TRIM72: variants seen among roughly 807,000 people sequenced by gnomAD.
TRIM72 encodes tripartite motif containing 72.
Under a neutral mutation model 31.6 loss-of-function variants are expected in TRIM72, and 33 were observed. That is an observed-to-expected ratio of 1.04 (90% CI 0.79 to 1.40). The LOEUF (loss-of-function observed/expected upper bound fraction) is 1.40. TRIM72 is among the 40% of genes most tolerant of loss of function. TRIM72 has a pLI of 0.00. For missense variants in TRIM72, 666 were observed against 682.7 expected, an observed-to-expected ratio of 0.98 and a Z score of 0.27; for synonymous variants, 301 against 314.4, an observed-to-expected ratio of 0.96 and a Z score of 0.45.
chr16:31,223,385 C>A (rs1421490845), intron 6 of TRIM72, among the ~76,000 whole-genome samples: 1 of 152,216 alleles, frequency 6.6e-6, no homozygotes, highest in Non-Finnish European at 1.5e-5. Flanking sequence ...TCAGTTCCTC[C>A]CCCCAAGAGC....
chr16:31,221,058 T>G lies in TRIM72; in HGVS notation c.740+140T>G, dbSNP rs1187004216. 4.5e-6 allele frequency: 5 copies of G among 1,113,682 alleles called. No individual in the cohort carries two copies. In the Admixed American group the frequency reaches 9.1e-5, roughly 20 times the overall value. 69.0% of individuals were successfully genotyped at this position (1,113,682 alleles called of 1,614,324 possible). On this transcript the variant is annotated intron_variant, in intron 5 of 6. Transcript: ENST00000322122. Reference sequence around the variant, plus strand: ...CCCCACCCCTGCCTGAACACAAGGTTGTAGACAGAAATGATCTGGAAGGAT... The same window carrying G: ...CCCCACCCCTGCCTGAACACAAGGTGGTAGACAGAAATGATCTGGAAGGAT...
chr16:31,219,220 G>C lies in TRIM72; in HGVS notation c.486+30G>C. 2 of 1,613,980 alleles carry C rather than the reference G, an allele frequency of 1.2e-6. No individual in the cohort carries two copies. Among genetic ancestry groups the C allele is most frequent in the Non-Finnish European group, 1.7e-6 (2 of 1,179,884 alleles). The stretch of plus-strand genomic sequence containing the variant: ...GGACTTCACAGGGCCATGTCTGAGG[G>C]CTGGGGGCCAGGCTAGGGGTCTCCA... On this transcript the variant is annotated intron_variant, in intron 3 of 6. Transcript: ENST00000322122. The surrounding 1 kb of genome is among the most constrained non-coding windows in gnomAD (Gnocchi z 4.2).
rs2079550251 is a variant in TRIM72 at position 31,224,926 on chromosome 16, C to T, written c.*171C>T. 4.7e-6 allele frequency: 3 copies of T among 642,604 alleles called. No individual in the cohort carries two copies. The highest frequency in any genetic ancestry group is 7.1e-6 in the Non-Finnish European group (3 of 420,020). 39.8% of individuals were successfully genotyped at this position (642,604 alleles called of 1,614,324 possible). ...GTGGGGTAGGACTGGCTTGGTGGCT[C>T]ATGCCTGTAATCCCAGCACTTTGGG... On this transcript the variant is annotated 3_prime_UTR_variant, in exon 7 of 7. Transcript: ENST00000322122.
Position 31,219,089 on chromosome 16 carries a change from C to T in TRIM72, c.391-6C>T. 6.4e-7 allele frequency: 1 copy of T among 1,563,470 alleles called. No individual in the cohort carries two copies. On this transcript the variant is annotated splice_polypyrimidine_tract_variant and splice_region_variant and intron_variant, in intron 2 of 6. Transcript: ENST00000322122. The surrounding 1 kb of genome is among the most constrained non-coding windows in gnomAD (Gnocchi z 4.2). ...CCCCATCACTTCTCCATGCCTCGAC[C>T]CCCAGACACAGCTGCCACAGCAGAA...
At chr16:31,220,798 C>T (rs972778297) in intron 4 of TRIM72, 98 bp from the exon 5 acceptor site, 47 of 1,463,876 alleles carry the variant, frequency 3.2e-5, no homozygotes, top group Admixed American at 8.4e-5. Context: ...TTCTTTCTGA[C>T]GTTGCACTCA....
At position 31,224,627 on chromosome 16, in the gene TRIM72, G is replaced by A; in HGVS notation, c.1306G>A (p.Val436Met). The A allele has an allele frequency of 6.5e-7, 1 of 1,549,678 alleles. No individual in the cohort carries two copies. Residue 436 changes from valine to methionine, a missense_variant, in exon 7 of 7, where the codon GTG (valine) becomes ATG (methionine). Coordinates refer to ENST00000322122, the MANE Select transcript of TRIM72 (RefSeq NM_001008274.4). ...CGATGCCAGCGACGCCGACGCGCTCGTGCCGCTTTTTGCCTTCCACGAGCG... is the reference window on the plus strand; with the variant it reads ...CGATGCCAGCGACGCCGACGCGCTCATGCCGCTTTTTGCCTTCCACGAGCG... Reference protein sequence around the residue: ...FYDASDADALVPLFAFHERLP... With the variant: ...FYDASDADALMPLFAFHERLP...
At chr16:31,222,091 A>G (rs2144196734) in intron 5 of TRIM72, among the ~76,000 whole-genome samples, 1 of 152,294 alleles carries the variant, frequency 6.6e-6, no homozygotes, top group Non-Finnish European at 1.5e-5. Context: ...CAACAGAAGG[A>G]TTAAAAGAAA....
rs1332926460 is a variant in TRIM72, at chr16:31,228,637, T to C, written c.*3882T>C. The C allele has an allele frequency of 1.3e-5, 2 of 151,708 alleles. No individual in the cohort carries two copies. The highest frequency in any genetic ancestry group is 4.9e-5 in the African/African-American group (2 of 41,024). The allele number at this position is 151,708 out of a possible 1,614,324, so 9.4% of individuals were successfully genotyped here. On this transcript the variant is annotated 3_prime_UTR_variant, in exon 7 of 7. Transcript: ENST00000322122. ...CCCAGGCTGGAGTGCAATGGTGCTATCTCAGCTCACTGCAACCTCTGCCTC... is the reference window on the plus strand; with the variant it reads ...CCCAGGCTGGAGTGCAATGGTGCTACCTCAGCTCACTGCAACCTCTGCCTC...
rs1364843372 is a variant in TRIM72 at position 31,215,427 on chromosome 16, G to A, written c.390+299G>A. On this transcript the variant is annotated intron_variant, in intron 2 of 6. Transcript: ENST00000322122. This position sits in a 1 kb window ranked among gnomAD's most constrained non-coding sequence, Gnocchi z 6.3. The stretch of plus-strand genomic sequence containing the variant: ...GATGGGCGGGCGGAGCCCCAGGGCG[G>A]GTCTGATGGGCCGGGCGGAGCCAGG... Among the ~76,000 whole-genome samples, 1 of 152,142 alleles carries A rather than the reference G, an allele frequency of 6.6e-6. No homozygotes were observed. Among genetic ancestry groups the A allele is most frequent in the Non-Finnish European group, 1.5e-5 (1 of 68,024 alleles).
In TRIM72 at chr16:31,228,425, G is replaced by T. The variant is rs1295458123; in HGVS notation, c.*3670G>T. On this transcript the variant is annotated 3_prime_UTR_variant, in exon 7 of 7. Transcript: ENST00000322122. ...TCAGGCTAAGGACTGGCCACAGTGA[G>T]GGAGGGACCTGTGGTCTCCTGTGTT... 6.6e-6 allele frequency: 1 copy of T among 152,286 alleles called. No homozygotes were observed. Among genetic ancestry groups the T allele is most frequent in the Non-Finnish European group, 1.5e-5 (1 of 68,108 alleles). 9.4% of individuals were successfully genotyped at this position (152,286 alleles called of 1,614,324 possible).
chr16:31,219,219 G>A lies in TRIM72; in HGVS notation c.486+29G>A, dbSNP rs748475184. The A allele has an allele frequency of 5.0e-6, 8 of 1,613,864 alleles. No individual in the cohort carries two copies. The East Asian group carries it at 1.8e-4, about 36-fold the overall frequency. ...AGGACTTCACAGGGCCATGTCTGAGGGCTGGGGGCCAGGCTAGGGGTCTCC... is the reference window on the plus strand; with the variant it reads ...AGGACTTCACAGGGCCATGTCTGAGAGCTGGGGGCCAGGCTAGGGGTCTCC... On this transcript the variant is annotated intron_variant, in intron 3 of 6. Transcript: ENST00000322122. This position sits in a 1 kb window ranked among gnomAD's most constrained non-coding sequence, Gnocchi z 4.2.
chr16:31,215,077 G>T lies in TRIM72; in HGVS notation c.339G>T (p.Ser113=), dbSNP rs527454157. ...LVCGVCASLG[S]HRGHRLLPAA... is the part of the protein sequence containing the mutation. ...GCGGAGTGTGCGCCTCACTCGGCTCGCACCGCGGTCATCGCCTCCTGCCTG... is the reference window on the plus strand; with the variant it reads ...GCGGAGTGTGCGCCTCACTCGGCTCTCACCGCGGTCATCGCCTCCTGCCTG... Residue 113 remains serine, a synonymous_variant, in exon 2 of 7, where the codon TCG becomes TCT. Coordinates refer to ENST00000322122, the MANE Select transcript of TRIM72 (RefSeq NM_001008274.4). The surrounding 1 kb of genome is among the most constrained non-coding windows in gnomAD (Gnocchi z 6.3). 41 of 1,454,192 alleles carry T rather than the reference G, an allele frequency of 2.8e-5. No homozygotes were observed. The highest frequency in any genetic ancestry group is 3.6e-5 in the Non-Finnish European group (40 of 1,113,274). The allele number at this position is 1,454,192 out of a possible 1,614,324, so 90.1% of individuals were successfully genotyped here.
chr16:31,227,277 G>C lies in TRIM72; in HGVS notation c.*2522G>C, dbSNP rs975129985. On this transcript the variant is annotated 3_prime_UTR_variant, in exon 7 of 7. Coordinates refer to ENST00000322122, the MANE Select transcript of TRIM72 (RefSeq NM_001008274.4). The stretch of plus-strand genomic sequence containing the variant: ...TTTCCAAAAATGCAAATGTGGTCAC[G>C]GGACTCAGTTGCTCAAAACTTTCAA... 6.6e-6 allele frequency: 1 copy of C among 152,182 alleles called. No homozygotes were observed. The highest frequency in any genetic ancestry group is 2.4e-5 in the African/African-American group (1 of 41,428). 9.4% of individuals were successfully genotyped at this position (152,182 alleles called of 1,614,324 possible). A position where few individuals can be genotyped will look rare whatever the true frequency, so the allele number is the denominator to read the frequency against.
At position 31,214,828 on chromosome 16, in the gene TRIM72, CCA is replaced by C. The variant is rs758273422; in HGVS notation, c.93_94del (p.His31GlnfsTer169). 9.1e-5 allele frequency: 142 copies of C among 1,561,482 alleles called. No homozygotes were observed. The highest frequency in any genetic ancestry group is 1.2e-4 in the Non-Finnish European group (137 of 1,163,698). On this transcript the variant is annotated frameshift_variant, in exon 2 of 7. Coordinates refer to ENST00000322122, the MANE Select transcript of TRIM72 (RefSeq NM_001008274.4). LOFTEE classifies it high-confidence loss of function. ...FDAPVTAECGHSFCRACLGRV... is the reference protein window; with the variant it reads ...FDAPVTAECGXSFCRACLGRV... The stretch of plus-strand genomic sequence containing the variant: ...ACGCGCCCGTGACAGCCGAGTGCGG[CCA>C]CAGTTTCTGCCGCGCCTGCCTAGGC...
intron 5 of TRIM72, among the ~76,000 whole-genome samples, chr16:31,221,606 T>TGTG (rs201989544): frequency 1.5e-5 from 1 of 68,440 alleles, no homozygotes; most frequent in Non-Finnish European, 2.8e-5. Flanking sequence ...AGAAGGGCAT[T>TGTG]GGGAGAAGGG....
Position 31,215,262 on chromosome 16 carries a change from C to A in TRIM72, c.390+134C>A. 2 of 1,117,716 alleles carry A rather than the reference C, an allele frequency of 1.8e-6. No individual in the cohort carries two copies. Among genetic ancestry groups the A allele is most frequent in the Non-Finnish European group, 2.3e-6 (2 of 861,338 alleles). 69.2% of individuals were successfully genotyped at this position (1,117,716 alleles called of 1,614,324 possible). Reference sequence around the variant, plus strand: ...CTCCTGGAGTTGCGGGGGGCGGGGGCGGGGCGAAGCAGCCAGGAAAGAGGG... The same window carrying A: ...CTCCTGGAGTTGCGGGGGGCGGGGGAGGGGCGAAGCAGCCAGGAAAGAGGG... On this transcript the variant is annotated intron_variant, in intron 2 of 6. Coordinates refer to ENST00000322122, the MANE Select transcript of TRIM72 (RefSeq NM_001008274.4). The surrounding 1 kb of genome is among the most constrained non-coding windows in gnomAD (Gnocchi z 6.3).
chr16:31,220,981 G>A (rs1395239895), intron 5 of TRIM72, 63 bp downstream of exon 5: 6 of 1,602,718 alleles, frequency 3.7e-6, no homozygotes, highest in African/African-American at 2.7e-5. Context: ...GACACCAGCC[G>A]GCTCACTCTC....
Position 31,225,580 on chromosome 16 carries a change from G to A in TRIM72, c.*825G>A, listed in dbSNP as rs935059112. ...TTAGCCATGACTTGTTAAAGCATAG[G>A]GTGCTAAGTTTCTGATTTAGTAGGT... On this transcript the variant is annotated 3_prime_UTR_variant, in exon 7 of 7. Coordinates refer to ENST00000322122, the MANE Select transcript of TRIM72 (RefSeq NM_001008274.4). 6.6e-6 allele frequency: 1 copy of A among 151,688 alleles called. No individual in the cohort carries two copies. Among genetic ancestry groups the A allele is most frequent in the Non-Finnish European group, 1.5e-5 (1 of 68,006 alleles). 9.4% of individuals were successfully genotyped at this position (151,688 alleles called of 1,614,324 possible). A position where few individuals can be genotyped will look rare whatever the true frequency, so the allele number is the denominator to read the frequency against.
chr16:31,219,300 T>C lies in TRIM72; in HGVS notation c.498T>C (p.Arg166=), dbSNP rs1192677454. 2 of 1,614,018 alleles carry C rather than the reference T, an allele frequency of 1.2e-6. No homozygotes were observed. Among genetic ancestry groups the C allele is most frequent in the African/African-American group, 2.7e-5 (2 of 74,916 alleles). The change falls in exon 4 of 7, where the codon CGT becomes CGC. Residue 166 remains arginine (R), a synonymous_variant. Transcript: ENST00000322122. This position sits in a 1 kb window ranked among gnomAD's most constrained non-coding sequence, Gnocchi z 4.2. ...CCCCATCCCTGCAGGAGACAGTGCG[T>C]CAGTTCCGGGGGGCCGTGGGGGAGC... is the stretch of plus-strand genomic sequence containing the variant. ...HQLVEVEETV[R]QFRGAVGEQL... is the part of the protein sequence containing the mutation.
Sources: allele counts gnomAD v4.1 joint callset (sites outside exome capture counted in the v4.1 genomes callset), GRCh38; gene constraint gnomAD v4.1.1; non-coding constraint Gnocchi (gnomAD v3.1); transcripts MANE v1.5; gene names NCBI Gene and HGNC (gene_info 2026-07-23, HGNC 2026-07-21).